Variants in NKAIN2 observed in about 807,000 individuals in gnomAD.
The protein encoded by NKAIN2 is sodium/potassium-transporting ATPase subunit beta-1-interacting protein 2.
In NKAIN2, 14 loss-of-function variants were observed where a neutral mutation model predicts 32.6. The observed-to-expected ratio is 0.43, with a 90% CI of 0.28 to 0.67. The LOEUF is 0.67. Among genes scored for constraint, NKAIN2 ranks in the 30% least tolerant of loss-of-function variants. The pLI, the probability that NKAIN2 is intolerant of heterozygous loss-of-function variation, is 0.17. For missense variants in NKAIN2, 198 were observed against 258.3 expected (o/e 0.77, Z 1.60); for synonymous variants, 80 against 87.2 (o/e 0.92, Z 0.46).
intron 3 of NKAIN2, among the ~76,000 whole-genome samples, chr6:124,504,804 A>G (rs1778413993): frequency 6.6e-6 from 1 of 152,202 alleles, no homozygotes; most frequent in Non-Finnish European, 1.5e-5. Flanking sequence ...TTTTTTGCTC[A>G]GATTTTAGAA....
intron 3 of NKAIN2, among the ~76,000 whole-genome samples, chr6:124,564,690 T>C (rs1213075514): frequency 6.6e-6 from 1 of 152,066 alleles, no homozygotes; most frequent in Non-Finnish European, 1.5e-5. Flanking sequence ...AGGGAACCAA[T>C]CCTGGACACA....
intron 1 of NKAIN2, among the ~76,000 whole-genome samples, chr6:123,913,365 C>T (rs1248249052): frequency 6.6e-6 from 1 of 152,162 alleles, no homozygotes; most frequent in Non-Finnish European, 1.5e-5. Context: ...AAGTAATGCT[C>T]ACCTTCCCTA....
At chr6:124,611,927 A>G (rs1346296965) in intron 3 of NKAIN2, among the ~76,000 whole-genome samples, 1 of 152,046 alleles carries the variant, frequency 6.6e-6, no homozygotes, top group Non-Finnish European at 1.5e-5. Context: ...AATTTTTTTT[A>G]TCAGCTTTAT....
chr6:124,285,903 A>C (rs1276987708), intron 2 of NKAIN2, among the ~76,000 whole-genome samples: 3 of 151,008 alleles, frequency 2.0e-5, no homozygotes, highest in Admixed American at 6.6e-5. Flanking sequence ...AAAGGAAATC[A>C]TAAGGAAAAT....
chr6:124,594,459 TATA>T (rs984688740), intron 3 of NKAIN2, among the ~76,000 whole-genome samples: 27 of 152,288 alleles, frequency 1.8e-4, no homozygotes, highest in African/African-American at 6.5e-4. Flanking sequence ...GTTCATTCAA[TATA>T]ATAAGTGAAG....
intron 3 of NKAIN2, among the ~76,000 whole-genome samples, chr6:124,482,991 G>A (rs988921783): frequency 6.6e-6 from 1 of 152,040 alleles, no homozygotes; most frequent in Non-Finnish European, 1.5e-5. Context: ...GCGTGGTGGT[G>A]GGCGCCTGTA....
At chr6:123,931,268 TG>T (rs1343027477) in intron 1 of NKAIN2, among the ~76,000 whole-genome samples, 3 of 152,188 alleles carry the variant, frequency 2.0e-5, no homozygotes, top group Non-Finnish European at 4.4e-5. Context: ...TGCTGGTCTT[TG>T]AGGAAGCGGT....
chr6:124,065,462 C>T (rs1218944983), intron 1 of NKAIN2, among the ~76,000 whole-genome samples: 1 of 152,122 alleles, frequency 6.6e-6, no homozygotes, highest in South Asian at 2.1e-4. Context: ...GTTATTCACT[C>T]ATGGGACAGA....
intron 3 of NKAIN2, among the ~76,000 whole-genome samples, chr6:124,623,768 T>C (rs1158594896): frequency 6.6e-6 from 1 of 152,162 alleles, no homozygotes; most frequent in East Asian, 1.9e-4. Flanking sequence ...CTTCCTGGTT[T>C]GTTTTCCATG....
chr6:124,568,036 A>T (rs1167931725), intron 3 of NKAIN2, among the ~76,000 whole-genome samples: 1 of 152,124 alleles, frequency 6.6e-6, no homozygotes, highest in Non-Finnish European at 1.5e-5. Flanking sequence ...TGACAATATA[A>T]AAAGCAGAAG....
At chr6:124,770,129 G>T (rs1778683482) in intron 4 of NKAIN2, among the ~76,000 whole-genome samples, 1 of 152,158 alleles carries the variant, frequency 6.6e-6, no homozygotes, top group Non-Finnish European at 1.5e-5. Flanking sequence ...TTTAACAGGA[G>T]AAAAGGAAAA....
intron 3 of NKAIN2, among the ~76,000 whole-genome samples, chr6:124,489,969 T>C (rs981560735): frequency 2.6e-5 from 4 of 151,834 alleles, no homozygotes; most frequent in African/African-American, 7.2e-5. Context: ...ATACAAGAAC[T>C]GAAATGGACA....
At chr6:124,700,341 C>A (rs909466634) in intron 4 of NKAIN2, among the ~76,000 whole-genome samples, 1 of 152,124 alleles carries the variant, frequency 6.6e-6, no homozygotes, top group African/African-American at 2.4e-5. Flanking sequence ...ATTAGTATTA[C>A]TTCTGTTCGC....
intron 4 of NKAIN2, among the ~76,000 whole-genome samples, chr6:124,791,035 A>G (rs1022445175): frequency 6.6e-6 from 1 of 152,180 alleles, no homozygotes; most frequent in African/African-American, 2.4e-5. Context: ...ATGTTAATCC[A>G]CTAGTGAATG....
intron 1 of NKAIN2, among the ~76,000 whole-genome samples, chr6:123,903,463 AG>A (rs1774702378): frequency 6.6e-6 from 1 of 152,202 alleles, no homozygotes; most frequent in Non-Finnish European, 1.5e-5. Flanking sequence ...TCAACATCAA[AG>A]GTTAGCACAG....
At chr6:124,311,197 A>T (rs576921572) in intron 2 of NKAIN2, among the ~76,000 whole-genome samples, 1 of 152,232 alleles carries the variant, frequency 6.6e-6, no homozygotes, top group Non-Finnish European at 1.5e-5. Flanking sequence ...TGTGACCCCC[A>T]TCCTCAGTCC....
At chr6:124,054,157 T>C (rs1345917315) in intron 1 of NKAIN2, among the ~76,000 whole-genome samples, 1 of 152,060 alleles carries the variant, frequency 6.6e-6, no homozygotes, top group African/African-American at 2.4e-5. Flanking sequence ...GAGATAAGTT[T>C]CAGTCCCAGG....
intron 4 of NKAIN2, among the ~76,000 whole-genome samples, chr6:124,704,839 C>T (rs1774973585): frequency 6.6e-6 from 1 of 151,904 alleles, no homozygotes; most frequent in Non-Finnish European, 1.5e-5. Flanking sequence ...TTTTACCTCT[C>T]AGCAGGAAAT....
At chr6:124,640,413 A>G (rs1032079015) in intron 3 of NKAIN2, among the ~76,000 whole-genome samples, 12 of 152,216 alleles carry the variant, frequency 7.9e-5, no homozygotes, top group Non-Finnish European at 1.3e-4. Context: ...ATCTCTGGAA[A>G]TACTTAACCT....
Sources: allele counts gnomAD v4.1 joint callset (sites outside exome capture counted in the v4.1 genomes callset), GRCh38; gene constraint gnomAD v4.1.1; transcripts MANE v1.5; gene names NCBI Gene and HGNC (gene_info 2026-07-23, HGNC 2026-07-21).